The following ASPH variants were observed in gnomAD, a reference collection of about 807,000 sequenced individuals.
ASPH encodes the protein aspartate beta-hydroxylase.
A neutral mutation model predicts 118.4 loss-of-function variants in ASPH; 100 were observed. The ratio of observed to expected loss-of-function variants is 0.84; its 90% CI spans 0.72 to 1.00. The LOEUF is 1.00. Among genes scored for constraint, ASPH ranks in the 50% least tolerant of loss-of-function variants. The probability of loss-of-function intolerance (pLI) is 0.00; values close to 1 mark genes in which losing one functional copy is unlikely to be tolerated. For synonymous variants in ASPH, 315 were observed against 325.6 expected (o/e 0.97, Z 0.35); for missense variants, 920 against 919.5 (o/e 1.00, Z -0.01).
chr8:61,608,891 G>C (rs1293358012), intron 14 of ASPH, among the ~76,000 whole-genome samples: 1 of 152,152 alleles, frequency 6.6e-6, no homozygotes, highest in Admixed American at 6.5e-5. Context: ...ACTGTGCCTG[G>C]CCAGCAGTGA....
At chr8:61,611,815 A>C (rs1282182784) in intron 14 of ASPH, among the ~76,000 whole-genome samples, 1 of 152,220 alleles carries the variant, frequency 6.6e-6, no homozygotes, top group African/African-American at 2.4e-5. Context: ...AAAGCCAAAA[A>C]TCCTGAGCAG....
chr8:61,667,029 G>A (rs1009712217), intron 3 of ASPH, among the ~76,000 whole-genome samples: 2 of 148,880 alleles, frequency 1.3e-5, no homozygotes, highest in African/African-American at 4.9e-5. Flanking sequence ...TTCATCCCCA[G>A]AAATTATTCA....
At chr8:61,509,205 T>C (rs1807865930) in intron 24 of ASPH, among the ~76,000 whole-genome samples, 1 of 152,190 alleles carries the variant, frequency 6.6e-6, no homozygotes, top group Non-Finnish European at 1.5e-5. Flanking sequence ...AGAGGGTTCT[T>C]GGATCTCAAA....
At chr8:61,688,534 C>T (rs1055297272) in intron 1 of ASPH, among the ~76,000 whole-genome samples, 4 of 152,190 alleles carry the variant, frequency 2.6e-5, no homozygotes, top group African/African-American at 7.2e-5. Context: ...TCACCAGCTA[C>T]TTCACTGGCC....
chr8:61,669,252 T>C (rs576173285), intron 3 of ASPH, among the ~76,000 whole-genome samples: 1 of 152,344 alleles, frequency 6.6e-6, no homozygotes, highest in South Asian at 2.1e-4. Flanking sequence ...TCTGTTCTAT[T>C]ATATTGTTCA....
chr8:61,653,634 G>A lies in ASPH; in HGVS notation c.349C>T (p.Pro117Ser), dbSNP rs751664216. 6.2e-7 allele frequency: 1 copy of A among 1,613,830 alleles called. No individual in the cohort carries two copies. Among genetic ancestry groups the A allele is most frequent in the East Asian group, 2.2e-5 (1 of 44,832 alleles). ...TCAGCCTCTTCTGGCGGGACTGCTG[G>A]CTCTGAAGTAGATCTCTCTTTAAGT... The part of the protein sequence containing the change: ...LGLKERSTSE[P>S]AVPPEEAEPH... The change falls in exon 4 of 25, where the codon CCA becomes TCA. Residue 117 changes from proline (P) to serine (S), a missense_variant. Pro to Ser is a moderately conservative substitution (Grantham distance 74). Coordinates refer to ENST00000379454, the MANE Select transcript of ASPH (RefSeq NM_004318.4).
intron 10 of ASPH, among the ~76,000 whole-genome samples, 167 bp downstream of exon 10, chr8:61,642,721 T>C (rs998187152): frequency 6.6e-6 from 1 of 151,986 alleles, no homozygotes; most frequent in East Asian, 1.9e-4. Context: ...GGCACATGCC[T>C]GTAATCCCAG....
rs1040242343 is a variant in ASPH, at chr8:61,578,436, C to T, written c.1063-1578G>A. On this transcript the variant is annotated intron_variant, in intron 15 of 24. Transcript: ENST00000379454. ...CGCAGTCATGGTCAACCAGAGCCTACTGAGCCCCCTTGTCCTGGAGGTGGA... is the reference window on the plus strand; with the variant it reads ...CGCAGTCATGGTCAACCAGAGCCTATTGAGCCCCCTTGTCCTGGAGGTGGA... 3.1e-6 allele frequency: 5 copies of T among 1,602,176 alleles called. No individual in the cohort carries two copies. The African/African-American group carries it at 5.4e-5, about 17-fold the overall frequency.
intron 15 of ASPH, chr8:61,579,563 CT>C (rs1291796355): frequency 6.6e-7 from 1 of 1,516,886 alleles, no homozygotes; most frequent in African/African-American, 1.4e-5. Flanking sequence ...CTGGCGCAGG[CT>C]CCAGCTCCCT....
rs943233704 is a variant in ASPH, at chr8:61,527,114, A to G, written c.1765-1002T>C. Among the ~76,000 whole-genome samples, 12 of 152,340 alleles carry G rather than the reference A, an allele frequency of 7.9e-5. No homozygotes were observed. The East Asian group carries it at 2.1e-3, about 27-fold the overall frequency. On this transcript the variant is annotated intron_variant, in intron 21 of 24. Transcript: ENST00000379454. Reference sequence around the variant, plus strand: ...TTCAACAAGAATCAGGGGCAGATCTATTTTCAGTGACTCAAGAGCATGGGA... The same window carrying G: ...TTCAACAAGAATCAGGGGCAGATCTGTTTTCAGTGACTCAAGAGCATGGGA...
chr8:61,561,563 C>T (rs933629473), intron 18 of ASPH, among the ~76,000 whole-genome samples: 1 of 152,274 alleles, frequency 6.6e-6, no homozygotes, highest in Non-Finnish European at 1.5e-5. Context: ...AGGAAAGTAC[C>T]GCTTTGAGGA....
At chr8:61,522,306 G>A (rs1813399655) in intron 22 of ASPH, among the ~76,000 whole-genome samples, 2 of 152,146 alleles carry the variant, frequency 1.3e-5, no homozygotes, top group Admixed American at 6.5e-5. Context: ...CACAGACTGA[G>A]TGGCTTAAAC....
intron 5 of ASPH, among the ~76,000 whole-genome samples, chr8:61,647,570 C>G (rs902146023): frequency 6.6e-6 from 1 of 152,078 alleles, no homozygotes; most frequent in African/African-American, 2.4e-5. Context: ...ACTTGGGAGG[C>G]TGAGGCAGGA....
chr8:61,586,960 C>T (rs1027432528), intron 14 of ASPH, among the ~76,000 whole-genome samples: 1 of 152,186 alleles, frequency 6.6e-6, no homozygotes, highest in Non-Finnish European at 1.5e-5. Context: ...CATGGAAGAA[C>T]TAAGGCTGTT....
intron 24 of ASPH, among the ~76,000 whole-genome samples, chr8:61,504,421 T>C (rs964229287): frequency 6.6e-6 from 1 of 152,232 alleles, no homozygotes; most frequent in Non-Finnish European, 1.5e-5. Flanking sequence ...ATGACTATTA[T>C]AGCATGGGAA....
At chr8:61,711,601 G>C (rs1362070597) in intron 1 of ASPH, among the ~76,000 whole-genome samples, 1 of 151,636 alleles carries the variant, frequency 6.6e-6, no homozygotes, top group Non-Finnish European at 1.5e-5. Context: ...CCAAATTCCA[G>C]CTTCCAAACA....
chr8:61,633,683 C>G lies in ASPH; in HGVS notation c.934G>C (p.Glu312Gln). Residue 312 changes from glutamate (E) to glutamine (Q), a missense_variant and splice_region_variant, in exon 13 of 25, where the codon GAA (glutamate) becomes CAA (glutamine). By Grantham distance (29) the Glu-to-Gln change is conservative (BLOSUM62 2). Transcript: ENST00000379454. ...AAATACAACATACAAAATGTCATAC[C>G]TGGTGGTACTTCCTGCTGTTCTTCC... ...PVEEQQEVPP[E>Q]TNRKTDDPEQ... 6.3e-7 allele frequency: 1 copy of G among 1,596,134 alleles called. No individual in the cohort carries two copies. The highest frequency in any genetic ancestry group is 8.5e-7 in the Non-Finnish European group (1 of 1,171,424).
chr8:61,630,729 T>A (rs1425390596), intron 13 of ASPH, among the ~76,000 whole-genome samples: 1 of 152,190 alleles, frequency 6.6e-6, no homozygotes, highest in Non-Finnish European at 1.5e-5. Context: ...CAATACATAA[T>A]ATATGACAAT....
chr8:61,711,616 T>C (rs951517463), intron 1 of ASPH, among the ~76,000 whole-genome samples: 1 of 152,030 alleles, frequency 6.6e-6, no homozygotes, highest in Admixed American at 6.5e-5. Flanking sequence ...CAAACATCAC[T>C]TTTCAGCAAA....
Sources: allele counts gnomAD v4.1 joint callset (sites outside exome capture counted in the v4.1 genomes callset), GRCh38; gene constraint gnomAD v4.1.1; transcripts MANE v1.5; gene names NCBI Gene and HGNC (gene_info 2026-07-23, HGNC 2026-07-21).